Variants in LIMA1 observed in about 807,000 individuals in gnomAD.
LIMA1 encodes LIM domain and actin-binding protein 1.
LIMA1 carries 52 observed loss-of-function variants against 62.6 expected under a neutral mutation model. That is an observed-to-expected ratio of 0.83 (90% CI 0.67 to 1.05). The LOEUF (loss-of-function observed/expected upper bound fraction) is 1.05. Among genes scored for constraint, LIMA1 ranks in the 50% least tolerant of loss-of-function variants. The probability of loss-of-function intolerance (pLI) is 0.00; values close to 1 mark genes in which losing one functional copy is unlikely to be tolerated. For missense variants in LIMA1, 780 were observed against 902.2 expected (o/e 0.86, Z 1.74); for synonymous variants, 302 against 317.8 (o/e 0.95, Z 0.53).
At chr12:50,228,358 A>C (rs987498865) in intron 3 of LIMA1, among the ~76,000 whole-genome samples, 1 of 152,142 alleles carries the variant, frequency 6.6e-6, no homozygotes, top group Admixed American at 6.6e-5. Context: ...TCAGGCCTCT[A>C]TTCTACCACT....
At chr12:50,226,424 G>A (rs1941528481) in intron 3 of LIMA1, among the ~76,000 whole-genome samples, 1 of 152,052 alleles carries the variant, frequency 6.6e-6, no homozygotes, top group Non-Finnish European at 1.5e-5. Context: ...TCTCACTATA[G>A]CATCTGACAT....
chr12:50,256,321 T>C (rs1393017632), intron 1 of LIMA1: 1 of 152,144 alleles, frequency 6.6e-6, no homozygotes, highest in African/African-American at 2.4e-5. Context: ...TCAACTTTAG[T>C]ATATGTATGA....
intron 2 of LIMA1, among the ~76,000 whole-genome samples, chr12:50,242,614 A>G (rs1351149221): frequency 1.3e-5 from 2 of 152,200 alleles, no homozygotes; most frequent in African/African-American, 4.8e-5. Context: ...ATCTTGGTGT[A>G]TGACCTTCAG....
At chr12:50,228,020 C>T (rs980635245) in intron 3 of LIMA1, among the ~76,000 whole-genome samples, 5 of 151,694 alleles carry the variant, frequency 3.3e-5, no homozygotes, top group Admixed American at 6.6e-5. Flanking sequence ...CCACCGTGCC[C>T]GGCTAATTTT....
chr12:50,183,874 CTTGCCACAT>C (rs1202896263), intron 9 of LIMA1, among the ~76,000 whole-genome samples: 1 of 147,722 alleles, frequency 6.8e-6, no homozygotes, highest in African/African-American at 2.5e-5. Context: ...TGTTGGTTCA[CTTGCCACAT>C]GATTCACTAG....
At chr12:50,201,024 C>A (rs1214116676) in intron 6 of LIMA1, 140 bp from the exon 7 acceptor site, 5 of 1,435,958 alleles carry the variant, frequency 3.5e-6, no homozygotes, top group East Asian at 2.5e-5. Flanking sequence ...CTAACTCTCA[C>A]AAGCAAAACC....
In LIMA1 at chr12:50,177,836, A is replaced by G; in HGVS notation, c.1508T>C (p.Val503Ala). ...CTTGGCTTCCATACTTGCAGCCAGGACACCCACCTTAGCAATAGGGGCATC... is the reference window on the plus strand; with the variant it reads ...CTTGGCTTCCATACTTGCAGCCAGGGCACCCACCTTAGCAATAGGGGCATC... The part of the protein sequence containing the change: ...VEDAPIAKVG[V>A]LAASMEAKAS... The change falls in exon 11 of 11, where the codon GTC (valine) becomes GCC (alanine). Residue 503 changes from valine (V) to alanine (A), a missense_variant. By Grantham distance (64) the Val-to-Ala change is moderately conservative (BLOSUM62 0). Coordinates refer to ENST00000341247, the MANE Select transcript of LIMA1 (RefSeq NM_016357.5). 2 of 1,613,326 alleles carry G rather than the reference A, an allele frequency of 1.2e-6. No homozygotes were observed.
intron 1 of LIMA1, among the ~76,000 whole-genome samples, chr12:50,258,180 A>T (rs1441704601): frequency 6.6e-6 from 1 of 152,178 alleles, no homozygotes; most frequent in Non-Finnish European, 1.5e-5. Flanking sequence ...GGGAGAAGTT[A>T]GCATCTGGGC....
chr12:50,233,593 C>T (rs574868264), intron 2 of LIMA1, among the ~76,000 whole-genome samples: 4 of 152,316 alleles, frequency 2.6e-5, no homozygotes, highest in African/African-American at 7.2e-5. Flanking sequence ...GGCACAATCT[C>T]GGCTCACTGC....
Position 50,222,346 on chromosome 12 carries a change from T to A in LIMA1, c.305A>T (p.Asp102Val). ...NSSTEIRHRA[D>V]HPPAEVTSHA... Reference sequence around the variant, plus strand: ...GCTTGTCACTTCAGCAGGAGGATGGTCTGCTCTGTGCCTAATCTCAGTGCT... The same window carrying A: ...GCTTGTCACTTCAGCAGGAGGATGGACTGCTCTGTGCCTAATCTCAGTGCT... The change falls in exon 4 of 11, where the codon GAC becomes GTC. Residue 102 changes from aspartate (D) to valine (V), a missense_variant. Coordinates refer to ENST00000341247, the MANE Select transcript of LIMA1 (RefSeq NM_016357.5). 6.2e-7 allele frequency: 1 copy of A among 1,614,142 alleles called. No homozygotes were observed.
At chr12:50,199,373 T>C (rs865880795) in intron 7 of LIMA1, among the ~76,000 whole-genome samples, 1 of 152,156 alleles carries the variant, frequency 6.6e-6, no homozygotes, top group Non-Finnish European at 1.5e-5. Flanking sequence ...CCATCATCTC[T>C]GGTTTCCAAA....
intron 9 of LIMA1, chr12:50,185,542 G>A (rs1227358201): frequency 4.5e-6 from 2 of 448,176 alleles, no homozygotes; most frequent in Admixed American, 2.5e-5. Flanking sequence ...CAGAGACTCA[G>A]ATCCAAGAAT....
intron 1 of LIMA1, among the ~76,000 whole-genome samples, chr12:50,261,007 C>CT (rs1406935149): frequency 2.7e-5 from 3 of 110,108 alleles, no homozygotes; most frequent in Non-Finnish European, 3.7e-5. Flanking sequence ...CCTCTCCCTG[C>CT]TTTTTTTGTC....
At chr12:50,190,653 T>A (rs2138418619) in intron 9 of LIMA1, among the ~76,000 whole-genome samples, 1 of 142,952 alleles carries the variant, frequency 7.0e-6, no homozygotes, top group South Asian at 2.2e-4. Flanking sequence ...GTGCTGGGAT[T>A]ACAGGCGTGA....
rs34778877 is a variant in LIMA1 at position 50,183,810 on chromosome 12, C to CAAA, written c.1141-1776_1141-1774dup. ...TGGGCAACAGAGTGAGACTTGGTCTCAAAAAAAAAAAAAAAAAAAAAAAAC... is the reference window on the plus strand; with the variant it reads ...TGGGCAACAGAGTGAGACTTGGTCTCAAAAAAAAAAAAAAAAAAAAAAAAAAAC... On this transcript the variant is annotated intron_variant, in intron 9 of 10. Transcript: ENST00000341247. Among the ~76,000 whole-genome samples, 283 of 54,950 alleles carry CAAA rather than the reference C, an allele frequency of 5.2e-3. 1 individual carries two copies. The highest frequency in any genetic ancestry group is 0.01 in the South Asian group (11 of 1,078). 36.0% of individuals were successfully genotyped at this position (54,950 alleles called of 152,430 possible).
chr12:50,252,332 C>G (rs983790245), intron 1 of LIMA1, among the ~76,000 whole-genome samples: 36 of 152,120 alleles, frequency 2.4e-4, no homozygotes, highest in African/African-American at 8.5e-4. Flanking sequence ...ATAATCCCAG[C>G]ACTTTGGGAG....
At chr12:50,197,791 C>G (rs1207635378) in intron 7 of LIMA1, among the ~76,000 whole-genome samples, 1 of 142,466 alleles carries the variant, frequency 7.0e-6, no homozygotes, top group Admixed American at 7.2e-5. Context: ...GAATATTTTT[C>G]TCTTAAAATT....
chr12:50,200,983 C>T, intron 6 of LIMA1, 99 bp from the exon 7 acceptor site: 3 of 1,506,050 alleles, frequency 2.0e-6, no homozygotes, highest in Non-Finnish European at 2.6e-6. Flanking sequence ...TTAAAAAATT[C>T]TTCTAAGAAG....
chr12:50,217,322 A>G (rs182359884), intron 4 of LIMA1, among the ~76,000 whole-genome samples: 2 of 152,060 alleles, frequency 1.3e-5, no homozygotes, highest in Admixed American at 6.6e-5. Flanking sequence ...CCAGACTGAG[A>G]TCAAGTGACT....
Sources: allele counts gnomAD v4.1 joint callset (sites outside exome capture counted in the v4.1 genomes callset), GRCh38; gene constraint gnomAD v4.1.1; transcripts MANE v1.5; gene names NCBI Gene and HGNC (gene_info 2026-07-23, HGNC 2026-07-21).